ACSL3: variants seen among roughly 807,000 people sequenced by gnomAD.
ACSL3 encodes acyl-CoA synthetase long chain family member 3.
A neutral mutation model predicts 84.7 loss-of-function variants in ACSL3; 34 were observed. The ratio of observed to expected loss-of-function variants is 0.40; its 90% CI spans 0.31 to 0.53. The LOEUF (loss-of-function observed/expected upper bound fraction) is 0.53, where lower values mean the gene tolerates loss of function less well. Among genes scored for constraint, ACSL3 ranks in the 20% least tolerant of loss-of-function variants. ACSL3 has a pLI of 0.48. For synonymous variants in ACSL3, 315 were observed against 299.4 expected (o/e 1.05, Z -0.54); for missense variants, 680 against 873.1 (o/e 0.78, Z 2.79).
chr2:222,929,030 A>T, intron 13 of ACSL3, 94 bp downstream of exon 13: 1 of 944,338 alleles, frequency 1.1e-6, no homozygotes, highest in Non-Finnish European at 1.6e-6. Flanking sequence ...GTAAACACCC[A>T]TAAGTGCTCA....
In ACSL3 at chr2:222,894,949, GTC is replaced by G. The variant is rs745803410; in HGVS notation, c.-147-5723_-147-5722del. Among the ~76,000 whole-genome samples the G allele has an allele frequency of 2.4e-3, 311 of 127,104 alleles. 1 individual carries two copies. In the Middle Eastern group the frequency reaches 0.027, roughly 11 times the overall value. The allele number at this position is 127,104 out of a possible 152,430, so 83.4% of individuals were successfully genotyped here. ...CCATGTCTCCCAGGTGTGTGTGTGT[GTC>G]TTTCCAAGTTTTATCTTCAGACTAT... On this transcript the variant is annotated intron_variant, in intron 2 of 16. Coordinates refer to ENST00000357430, the MANE Select transcript of ACSL3 (RefSeq NM_004457.5).
intron 1 of ACSL3, among the ~76,000 whole-genome samples, chr2:222,886,794 T>G: frequency 6.6e-6 from 1 of 152,094 alleles, no homozygotes; most frequent in East Asian, 1.9e-4. Context: ...TACAGCAAAA[T>G]TGAGAGGAAG....
intron 16 of ACSL3, among the ~76,000 whole-genome samples, chr2:222,940,140 C>T (rs1415027790): frequency 2.0e-5 from 3 of 152,192 alleles, no homozygotes; most frequent in Admixed American, 6.5e-5. Context: ...TTCCTTTCTC[C>T]CTTCATTTGC....
At chr2:222,913,930 G>A (rs1341756554) in intron 4 of ACSL3, among the ~76,000 whole-genome samples, 2 of 152,142 alleles carry the variant, frequency 1.3e-5, no homozygotes, top group Non-Finnish European at 2.9e-5. Flanking sequence ...CATGTAGTAA[G>A]CACTAATAAA....
chr2:222,917,983 CAG>C lies in ACSL3; in HGVS notation c.557-59_557-58del, dbSNP rs543810785. 6.4e-5 allele frequency: 77 copies of C among 1,207,002 alleles called. No individual in the cohort carries two copies. In the African/African-American group the frequency reaches 1.1e-3, roughly 17 times the overall value. 74.8% of individuals were successfully genotyped at this position (1,207,002 alleles called of 1,614,324 possible). The stretch of plus-strand genomic sequence containing the variant: ...CGTTATTATGATTCATCTCCACATT[CAG>C]AGACTTTACATTTGTAGTTAAATGT... On this transcript the variant is annotated intron_variant, in intron 5 of 16. Coordinates refer to ENST00000357430, the MANE Select transcript of ACSL3 (RefSeq NM_004457.5).
At chr2:222,926,760 A>C (rs1332670661) in intron 11 of ACSL3, among the ~76,000 whole-genome samples, 1 of 152,220 alleles carries the variant, frequency 6.6e-6, no homozygotes, top group Admixed American at 6.5e-5. Flanking sequence ...TCCTGTCACT[A>C]TACAAAACTA....
At chr2:222,928,662 A>C (rs560486465) in intron 12 of ACSL3, among the ~76,000 whole-genome samples, 200 bp from the exon 13 acceptor site, 60 of 152,130 alleles carry the variant, frequency 3.9e-4, no homozygotes, top group African/African-American at 1.4e-3. Flanking sequence ...TAAAAAAAAA[A>C]AAAAAACCTC....
intron 1 of ACSL3, among the ~76,000 whole-genome samples, chr2:222,867,234 G>A (rs1466236907): frequency 1.3e-5 from 2 of 152,082 alleles, no homozygotes; most frequent in Admixed American, 6.5e-5. Context: ...GGAATATAAA[G>A]GAATTTGGGA....
At chr2:222,918,540 G>T (rs2106126249) in intron 6 of ACSL3, among the ~76,000 whole-genome samples, 1 of 141,042 alleles carries the variant, frequency 7.1e-6, no homozygotes, top group South Asian at 2.4e-4. Flanking sequence ...TTGTTTGGAA[G>T]TTAAAAAGGG....
chr2:222,898,777 A>T (rs961152157), intron 2 of ACSL3, among the ~76,000 whole-genome samples: 15 of 152,182 alleles, frequency 9.9e-5, no homozygotes, highest in African/African-American at 3.6e-4. Context: ...CAGTGAGCCG[A>T]GATTGCGCCA....
intron 16 of ACSL3, among the ~76,000 whole-genome samples, chr2:222,937,418 A>C (rs537740034): frequency 1.3e-5 from 2 of 152,174 alleles, no homozygotes; most frequent in East Asian, 3.9e-4. Context: ...GTCTCCTACT[A>C]TTATTGTATT....
chr2:222,867,478 T>C (rs2106080808), intron 1 of ACSL3, among the ~76,000 whole-genome samples: 1 of 152,342 alleles, frequency 6.6e-6, no homozygotes, highest in South Asian at 2.1e-4. Context: ...TAGTATTGTT[T>C]TGTGTATTCT....
In ACSL3 at chr2:222,933,157, G is replaced by A. The variant is rs759068429; in HGVS notation, c.1733-9G>A. ...TGTTTTCCCCTCTCCACCTTTCTTT[G>A]TTTTGCAGATCGTAAAAAGGACCTT... On this transcript the variant is annotated splice_polypyrimidine_tract_variant and intron_variant, in intron 14 of 16. Coordinates refer to ENST00000357430, the MANE Select transcript of ACSL3 (RefSeq NM_004457.5). 2.3e-5 allele frequency: 37 copies of A among 1,581,596 alleles called. No homozygotes were observed. Among genetic ancestry groups the A allele is most frequent in the Non-Finnish European group, 3.0e-5 (35 of 1,152,016 alleles).
rs1046108 is a variant in ACSL3, at chr2:222,942,539, G to A, written c.*885G>A. On this transcript the variant is annotated 3_prime_UTR_variant, in exon 17 of 17. Coordinates refer to ENST00000357430, the MANE Select transcript of ACSL3 (RefSeq NM_004457.5). ...TATAAAGTTATTCTTTGAATATTTC[G>A]TTGACTATATGTACATTGAGTTATC... 60,056 of 194,276 alleles carry A rather than the reference G, an allele frequency of 0.31. 9,655 individuals carry two copies. The highest frequency in any genetic ancestry group is 0.41 in the Admixed American group (6,771 of 16,434). The allele number at this position is 194,276 out of a possible 1,614,324, so 12.0% of individuals were successfully genotyped here.
intron 2 of ACSL3, among the ~76,000 whole-genome samples, chr2:222,894,516 T>C (rs533785245): frequency 1.3e-5 from 2 of 152,376 alleles, no homozygotes; most frequent in African/African-American, 4.8e-5. Flanking sequence ...ATTGTATAAG[T>C]AGTAATAGGT....
At chr2:222,931,689 T>A (rs1437969556) in intron 14 of ACSL3, among the ~76,000 whole-genome samples, 1 of 152,148 alleles carries the variant, frequency 6.6e-6, no homozygotes, top group African/African-American at 2.4e-5. Flanking sequence ...ACCATGTAAT[T>A]ACTAAACATG....
intron 1 of ACSL3, among the ~76,000 whole-genome samples, chr2:222,885,400 T>A (rs1328354008): frequency 6.6e-6 from 1 of 152,182 alleles, no homozygotes; most frequent in African/African-American, 2.4e-5. Flanking sequence ...ATTAAAAAAA[T>A]TTTAATGTAG....
chr2:222,926,495 A>T (rs1207459148), intron 11 of ACSL3, among the ~76,000 whole-genome samples: 1 of 152,154 alleles, frequency 6.6e-6, no homozygotes, highest in Non-Finnish European at 1.5e-5. Flanking sequence ...TTAGATGTTT[A>T]ACTTGTTTCC....
chr2:222,877,202 T>C (rs907665874), intron 1 of ACSL3, among the ~76,000 whole-genome samples: 6 of 152,110 alleles, frequency 3.9e-5, no homozygotes, highest in African/African-American at 1.4e-4. Context: ...CTGGATGAGG[T>C]CAAAGGATTG....
Sources: allele counts gnomAD v4.1 joint callset (sites outside exome capture counted in the v4.1 genomes callset), GRCh38; gene constraint gnomAD v4.1.1; transcripts MANE v1.5; gene names NCBI Gene and HGNC (gene_info 2026-07-23, HGNC 2026-07-21).